PCLO: variants seen among roughly 807,000 people sequenced by gnomAD.
PCLO encodes protein piccolo.
In PCLO, 82 loss-of-function variants were observed where a neutral mutation model predicts 427.5. That is an observed-to-expected ratio of 0.19 (90% CI 0.16 to 0.23). The LOEUF (loss-of-function observed/expected upper bound fraction) is 0.23. Ranked by LOEUF, PCLO falls within the 10% of genes least tolerant of loss-of-function variation. PCLO has a pLI of 1.00. For missense variants in PCLO, 6,239 were observed against 6,115.9 expected, an observed-to-expected ratio of 1.02 and a Z score of -0.67; for synonymous variants, 2,357 against 2,155.4, an observed-to-expected ratio of 1.09 and a Z score of -2.59.
At chr7:82,830,436 T>C (rs1189870867) in intron 16 of PCLO, among the ~76,000 whole-genome samples, 2 of 151,944 alleles carry the variant, frequency 1.3e-5, no homozygotes, top group Non-Finnish European at 2.9e-5. Context: ...AATTAATACA[T>C]AGAAAGAGTT....
chr7:82,774,775 A>G (rs572033826), intron 22 of PCLO, among the ~76,000 whole-genome samples: 12 of 152,298 alleles, frequency 7.9e-5, no homozygotes, highest in African/African-American at 2.6e-4. Context: ...AGTCCAACAT[A>G]TAAATTAAGG....
At chr7:82,976,682 C>CA (rs1796024909) in intron 3 of PCLO, among the ~76,000 whole-genome samples, 2 of 151,940 alleles carry the variant, frequency 1.3e-5, no homozygotes, top group Non-Finnish European at 2.9e-5. Context: ...ATCAGTGTAA[C>CA]ATGCATAAAT....
chr7:83,070,539 A>G (rs1789787119), intron 3 of PCLO, among the ~76,000 whole-genome samples: 1 of 151,918 alleles, frequency 6.6e-6, no homozygotes, highest in Non-Finnish European at 1.5e-5. Flanking sequence ...AGGTGCTGCC[A>G]CCGTGTCCGG....
intron 22 of PCLO, among the ~76,000 whole-genome samples, chr7:82,769,984 T>A (rs912070336): frequency 6.6e-6 from 1 of 152,124 alleles, no homozygotes; most frequent in African/African-American, 2.4e-5. Context: ...GTTGGTTTAC[T>A]TAGTTTTCAA....
rs773124621 is a variant in PCLO, at chr7:83,138,078, T to A, written c.1894-2422A>T. On this transcript the variant is annotated intron_variant, in intron 2 of 24. Coordinates refer to ENST00000333891, the MANE Select transcript of PCLO (RefSeq NM_033026.6). ...AATTTTCTTCCATAGTCTCACATGA[T>A]CACCTCATAATCATGCAGCCAGACA... is the stretch of plus-strand genomic sequence containing the variant. Among the ~76,000 whole-genome samples, 85 of 152,292 alleles carry A rather than the reference T, an allele frequency of 5.6e-4. No individual in the cohort carries two copies. The Middle Eastern group carries it at 0.01, about 18-fold the overall frequency.
chr7:83,105,400 A>C (rs1425928865), intron 3 of PCLO, among the ~76,000 whole-genome samples: 1 of 152,234 alleles, frequency 6.6e-6, no homozygotes, highest in African/African-American at 2.4e-5. Flanking sequence ...CCTGCGTATT[A>C]GCTATTTATA....
intron 3 of PCLO, among the ~76,000 whole-genome samples, chr7:83,045,791 G>C (rs1789090474): frequency 6.6e-6 from 1 of 152,084 alleles, no homozygotes; most frequent in African/African-American, 2.4e-5. Context: ...TACTGCAAAA[G>C]AGGCAGACCT....
intron 8 of PCLO, among the ~76,000 whole-genome samples, chr7:82,904,497 C>G (rs182817500): frequency 6.6e-6 from 1 of 152,050 alleles, no homozygotes; most frequent in African/African-American, 2.4e-5. Flanking sequence ...TTTGGTACTG[C>G]AGGTAATTCA....
chr7:82,798,108 A>G (rs897515221), intron 22 of PCLO, among the ~76,000 whole-genome samples: 1 of 152,172 alleles, frequency 6.6e-6, no homozygotes, highest in African/African-American at 2.4e-5. Flanking sequence ...AAAATCTATG[A>G]TATACTCTGG....
chr7:83,149,264 A>G (rs1224217086), intron 2 of PCLO, among the ~76,000 whole-genome samples: 3 of 152,076 alleles, frequency 2.0e-5, no homozygotes. Flanking sequence ...ACTGCTTTTT[A>G]TATTTTTTGA....
At chr7:82,984,457 G>A (rs1048530672) in intron 3 of PCLO, among the ~76,000 whole-genome samples, 2 of 139,712 alleles carry the variant, frequency 1.4e-5, no homozygotes, top group African/African-American at 5.9e-5. Flanking sequence ...TGTTATGGAA[G>A]GCAGAAGATT....
intron 3 of PCLO, among the ~76,000 whole-genome samples, chr7:83,120,850 A>G (rs1048237423): frequency 5.9e-5 from 9 of 152,176 alleles, no homozygotes; most frequent in African/African-American, 1.4e-4. Context: ...GAGTTCATCA[A>G]TCTGAAAGAA....
chr7:83,120,457 C>G (rs1006476328), intron 3 of PCLO, among the ~76,000 whole-genome samples: 3 of 147,226 alleles, frequency 2.0e-5, no homozygotes, highest in African/African-American at 7.5e-5. Context: ...TAGTCCAAAC[C>G]TAGAGAAAGT....
intron 8 of PCLO, among the ~76,000 whole-genome samples, chr7:82,907,407 A>C (rs1292119921): frequency 6.6e-6 from 1 of 152,046 alleles, no homozygotes; most frequent in Admixed American, 6.6e-5. Context: ...GATTCATATA[A>C]TAAACACATT....
chr7:82,868,645 T>C (rs994253307), intron 10 of PCLO, among the ~76,000 whole-genome samples: 25 of 152,228 alleles, frequency 1.6e-4, no homozygotes, highest in African/African-American at 6.0e-4. Context: ...ACAAGTCTTA[T>C]GGCCTTGGAC....
chr7:83,092,244 A>G (rs1243600813), intron 3 of PCLO, among the ~76,000 whole-genome samples: 2 of 152,196 alleles, frequency 1.3e-5, no homozygotes, highest in African/African-American at 4.8e-5. Context: ...TATCTGAAAT[A>G]CTGCCATTAG....
chr7:82,850,691 C>T (rs1478293374), intron 10 of PCLO, among the ~76,000 whole-genome samples: 1 of 152,102 alleles, frequency 6.6e-6, no homozygotes, highest in Admixed American at 6.6e-5. Context: ...CACAAAAGCT[C>T]CTGACGTCTG....
intron 10 of PCLO, among the ~76,000 whole-genome samples, chr7:82,848,661 T>C (rs1792570093): frequency 6.6e-6 from 1 of 152,140 alleles, no homozygotes; most frequent in South Asian, 2.1e-4. Context: ...TGAAATTACC[T>C]ATTGATCATC....
intron 3 of PCLO, among the ~76,000 whole-genome samples, chr7:83,124,041 G>T (rs921965039): frequency 3.3e-5 from 5 of 150,376 alleles, no homozygotes; most frequent in Admixed American, 1.3e-4. Context: ...AGGCACAGTG[G>T]CTCACACCTG....
Sources: allele counts gnomAD v4.1 joint callset (sites outside exome capture counted in the v4.1 genomes callset), GRCh38; gene constraint gnomAD v4.1.1; transcripts MANE v1.5; gene names NCBI Gene and HGNC (gene_info 2026-07-23, HGNC 2026-07-21).